Variants in EPHA6 observed in about 807,000 individuals in gnomAD.
The protein encoded by EPHA6 is ephrin type-A receptor 6.
A neutral mutation model predicts 112.0 loss-of-function variants in EPHA6; 50 were observed. The observed-to-expected ratio is 0.45, with a 90% CI of 0.36 to 0.56. The LOEUF (loss-of-function observed/expected upper bound fraction) is 0.56. Among genes scored for constraint, EPHA6 ranks in the 20% least tolerant of loss-of-function variants. The pLI, the probability that EPHA6 is intolerant of heterozygous loss-of-function variation, is 0.00. For missense variants in EPHA6, 1,280 were observed against 1,417.4 expected (o/e 0.90, Z 1.56); for synonymous variants, 529 against 490.7 (o/e 1.08, Z -1.03).
chr3:97,101,633 G>A (rs1019179884), intron 3 of EPHA6, among the ~76,000 whole-genome samples: 1 of 152,002 alleles, frequency 6.6e-6, no homozygotes, highest in Admixed American at 6.6e-5. Flanking sequence ...TGAGCACTGA[G>A]AAACTTCTTG....
chr3:97,483,792 A>G, intron 9 of EPHA6, 142 bp from the exon 10 acceptor site: 1 of 853,182 alleles, frequency 1.2e-6, no homozygotes, highest in East Asian at 3.2e-5. Flanking sequence ...AAGCTTTAAT[A>G]TGGGACAGGA....
intron 5 of EPHA6, among the ~76,000 whole-genome samples, chr3:97,342,284 T>G (rs1380977575): frequency 2.6e-5 from 4 of 152,212 alleles, no homozygotes; most frequent in Non-Finnish European, 5.9e-5. Flanking sequence ...TTATATACAG[T>G]AAAGTTCACC....
At chr3:97,349,710 G>A (rs1341510303) in intron 5 of EPHA6, among the ~76,000 whole-genome samples, 3 of 151,956 alleles carry the variant, frequency 2.0e-5, no homozygotes, top group African/African-American at 7.2e-5. Flanking sequence ...TGGATCCAAG[G>A]AAAAGTATCA....
intron 5 of EPHA6, among the ~76,000 whole-genome samples, chr3:97,395,713 C>A (rs761191705): frequency 6.6e-5 from 10 of 151,130 alleles, no homozygotes; most frequent in Non-Finnish European, 1.0e-4. Flanking sequence ...AACACACCTA[C>A]ACACACACAC....
At chr3:97,625,463 T>C (rs903791900) in intron 13 of EPHA6, among the ~76,000 whole-genome samples, 1 of 151,778 alleles carries the variant, frequency 6.6e-6, no homozygotes, top group Non-Finnish European at 1.5e-5. Flanking sequence ...GTCTAACATA[T>C]GGCTTATCAA....
intron 3 of EPHA6, among the ~76,000 whole-genome samples, chr3:97,181,690 T>C (rs1296042378): frequency 6.6e-6 from 1 of 152,130 alleles, no homozygotes; most frequent in Admixed American, 6.6e-5. Context: ...ATAGCTTATT[T>C]ATAATTATTA....
intron 10 of EPHA6, among the ~76,000 whole-genome samples, chr3:97,517,206 C>T (rs981456239): frequency 6.6e-6 from 1 of 152,048 alleles, no homozygotes; most frequent in Non-Finnish European, 1.5e-5. Context: ...ACTCTCAAGC[C>T]AGAGTCCACT....
chr3:97,130,372 A>G (rs992149340), intron 3 of EPHA6, among the ~76,000 whole-genome samples: 6 of 151,860 alleles, frequency 4.0e-5, no homozygotes, highest in South Asian at 2.1e-4. Flanking sequence ...GTTAAATCCA[A>G]TTTGCTTTTA....
At chr3:97,433,457 T>G (rs1464363751) in intron 6 of EPHA6, among the ~76,000 whole-genome samples, 1 of 151,752 alleles carries the variant, frequency 6.6e-6, no homozygotes, top group Non-Finnish European at 1.5e-5. Flanking sequence ...AACAGGAGAG[T>G]TGCTGACTTT....
At chr3:96,978,585 A>G (rs944731327) in intron 2 of EPHA6, among the ~76,000 whole-genome samples, 1 of 152,160 alleles carries the variant, frequency 6.6e-6, no homozygotes. Context: ...CTTGAATAAG[A>G]TGAAATTTAC....
chr3:97,504,989 C>T (rs1050240020), intron 10 of EPHA6, among the ~76,000 whole-genome samples: 4 of 151,400 alleles, frequency 2.6e-5, no homozygotes, highest in African/African-American at 9.7e-5. Flanking sequence ...TTTTTTAATG[C>T]ATACATTATT....
intron 5 of EPHA6, among the ~76,000 whole-genome samples, chr3:97,294,668 C>T (rs2080812195): frequency 6.6e-6 from 1 of 152,062 alleles, no homozygotes; most frequent in South Asian, 2.1e-4. Context: ...TTGAGTCCCT[C>T]CTTATCTTCA....
intron 3 of EPHA6, among the ~76,000 whole-genome samples, chr3:97,191,319 A>G (rs1243465115): frequency 6.6e-6 from 1 of 152,058 alleles, no homozygotes; most frequent in Non-Finnish European, 1.5e-5. Flanking sequence ...TTTGTTACAA[A>G]TGTTCCAATT....
intron 11 of EPHA6, among the ~76,000 whole-genome samples, chr3:97,585,433 A>T (rs994667257): frequency 6.6e-6 from 1 of 152,188 alleles, no homozygotes; most frequent in Admixed American, 6.5e-5. Flanking sequence ...TACAAGTCCA[A>T]AGTTTTAAAA....
At chr3:97,121,650 A>G (rs72922313) in intron 3 of EPHA6, among the ~76,000 whole-genome samples, 4,083 of 152,186 alleles carry the variant, frequency 0.027, 176 homozygotes, top group African/African-American at 0.09. Context: ...GGAGCACTGT[A>G]GGGCTATATA....
intron 10 of EPHA6, among the ~76,000 whole-genome samples, chr3:97,513,724 T>C (rs1255172613): frequency 6.6e-6 from 1 of 152,048 alleles, no homozygotes; most frequent in Admixed American, 6.6e-5. Flanking sequence ...GGGTACAATG[T>C]TACAGTTACA....
intron 2 of EPHA6, among the ~76,000 whole-genome samples, chr3:96,923,890 T>G (rs2039901794): frequency 6.6e-6 from 1 of 152,186 alleles, no homozygotes; most frequent in African/African-American, 2.4e-5. Flanking sequence ...ATAAGGAATC[T>G]TTCCCCATTG....
At chr3:96,979,683 C>G (rs2042678796) in intron 2 of EPHA6, among the ~76,000 whole-genome samples, 2 of 152,120 alleles carry the variant, frequency 1.3e-5, no homozygotes, top group Middle Eastern at 3.2e-3. Context: ...TAAAAGTGTT[C>G]CTATTTCTCC....
At chr3:96,889,891 C>A (rs186236767) in intron 2 of EPHA6, among the ~76,000 whole-genome samples, 16 of 152,156 alleles carry the variant, frequency 1.1e-4, no homozygotes, top group Non-Finnish European at 2.2e-4. Context: ...TATTAAGTGA[C>A]CTGATTTACA....
Sources: gnomAD v4.1 joint callset for allele counts (sites outside exome capture counted in the v4.1 genomes callset) on GRCh38, gnomAD v4.1.1 for gene constraint, MANE v1.5 for transcripts, NCBI Gene and HGNC (gene_info 2026-07-23, HGNC 2026-07-21) for gene names.